Variants in FAAH2 observed in about 807,000 individuals in gnomAD.
FAAH2 encodes fatty-acid amide hydrolase 2.
A neutral mutation model predicts 36.9 loss-of-function variants in FAAH2; 60 were observed. The ratio of observed to expected loss-of-function variants is 1.63; its 90% CI spans 1.32 to 2.02. The LOEUF (loss-of-function observed/expected upper bound fraction) is 2.02. FAAH2 is among the 30% of genes most tolerant of loss of function. The pLI, the probability that FAAH2 is intolerant of heterozygous loss-of-function variation, is 0.00. For synonymous variants in FAAH2, 214 were observed against 143.8 expected, an observed-to-expected ratio of 1.49 and a Z score of -3.49; for missense variants, 689 against 397.5, an observed-to-expected ratio of 1.73 and a Z score of -6.23.
intron 2 of FAAH2, among the ~76,000 whole-genome samples, chrX:57,307,658 T>G (rs936776062): frequency 2.7e-5 from 3 of 111,495 alleles, no homozygotes; most frequent in Non-Finnish European, 3.8e-5. Context: ...TTATCTTAAA[T>G]TCAAGGGGCA....
the FAAH2 span, among the ~76,000 whole-genome samples, chrX:57,251,221 C>T: frequency 8.9e-6 from 1 of 112,062 alleles, no homozygotes; most frequent in Non-Finnish European, 1.9e-5. Flanking sequence ...AAATGTGATA[C>T]ATTACTTTAA....
chrX:57,253,134 G>T, the FAAH2 span, among the ~76,000 whole-genome samples: 4 of 111,287 alleles, frequency 3.6e-5, no homozygotes, highest in African/African-American at 1.3e-4. Context: ...AGCTTCAATA[G>T]CCAATTCGAT....
At chrX:57,299,468 A>T (rs1241221561) in intron 2 of FAAH2, among the ~76,000 whole-genome samples, 1 of 111,379 alleles carries the variant, frequency 9.0e-6, no homozygotes, top group African/African-American at 3.3e-5. Flanking sequence ...AAATAATAAG[A>T]GCTATCTATG....
intron 5 of FAAH2, among the ~76,000 whole-genome samples, chrX:57,359,559 A>T (rs897459195): frequency 3.6e-5 from 4 of 111,771 alleles, no homozygotes; most frequent in Non-Finnish European, 7.5e-5. Context: ...CAACAAATTA[A>T]CTTCAACCAC....
intron 7 of FAAH2, among the ~76,000 whole-genome samples, chrX:57,422,283 G>A (rs538920716): frequency 4.5e-5 from 5 of 111,976 alleles, no homozygotes; most frequent in South Asian, 3.7e-4. Flanking sequence ...AAATGGGGAT[G>A]TGATGGGAAT....
intron 3 of FAAH2, among the ~76,000 whole-genome samples, chrX:57,319,402 G>A (rs2052945305): frequency 9.0e-6 from 1 of 111,663 alleles, no homozygotes; most frequent in Non-Finnish European, 1.9e-5. Flanking sequence ...GCCAAATCAT[G>A]AGTGAACTCC....
the FAAH2 span, among the ~76,000 whole-genome samples, chrX:57,280,534 T>TAA: frequency 2.9e-4 from 20 of 70,169 alleles, no homozygotes; most frequent in African/African-American, 2.4e-3. Flanking sequence ...TGGCTAAAAT[T>TAA]TAAAAAAAAA....
At chrX:57,423,747 C>T (rs1311198846) in intron 7 of FAAH2, among the ~76,000 whole-genome samples, 3 of 111,313 alleles carry the variant, frequency 2.7e-5, no homozygotes, top group Non-Finnish European at 3.8e-5. Flanking sequence ...CATGGACTTG[C>T]CTAGCCCAGT....
intron 5 of FAAH2, among the ~76,000 whole-genome samples, 175 bp from the exon 6 acceptor site, chrX:57,378,476 C>T (rs780049046): frequency 1.8e-5 from 2 of 111,815 alleles, no homozygotes; most frequent in African/African-American, 3.2e-5. Context: ...AAAAAATTCA[C>T]TGCTTTTAAG....
At chrX:57,221,632 G>A in the FAAH2 span, among the ~76,000 whole-genome samples, 4 of 111,293 alleles carry the variant, frequency 3.6e-5, no homozygotes, top group African/African-American at 9.8e-5. Flanking sequence ...TAACCAAGCT[G>A]TACTCCCAGT....
chrX:57,126,667 CACTG>C, the FAAH2 span, among the ~76,000 whole-genome samples: 7 of 111,603 alleles, frequency 6.3e-5, no homozygotes, highest in Non-Finnish European at 1.3e-4. Context: ...TGGTCATGGC[CACTG>C]ACTGACTTTT....
intron 7 of FAAH2, among the ~76,000 whole-genome samples, chrX:57,396,246 C>T (rs2055292756): frequency 9.0e-6 from 1 of 110,936 alleles, no homozygotes; most frequent in Non-Finnish European, 1.9e-5. Context: ...GGTGGTCTAT[C>T]AATTTTGTCT....
rs1280967689 is a variant in FAAH2, at chrX:57,394,764, G to C, written c.996+13735G>C. 1.3e-5 allele frequency: 12 copies of C among 920,825 alleles called. No individual in the cohort carries two copies. The South Asian group carries it at 2.4e-4, about 18-fold the overall frequency. 75.9% of individuals were successfully genotyped at this position (920,825 alleles called of 1,213,427 possible). A position where few individuals can be genotyped will look rare whatever the true frequency, so the allele number is the denominator to read the frequency against. On this transcript the variant is annotated intron_variant, in intron 7 of 10. Coordinates refer to ENST00000374900, the MANE Select transcript of FAAH2 (RefSeq NM_174912.4). ...ATCCATTCCCCTTTAACCATTTCAG[G>C]CCGACCAGTTGCAACCACCAGGATG...
chrX:57,263,199 C>T, the FAAH2 span, among the ~76,000 whole-genome samples: 7 of 111,284 alleles, frequency 6.3e-5, no homozygotes, highest in South Asian at 3.7e-4. Context: ...TATAGAAAAT[C>T]GCAAGGAGTG....
At chrX:57,309,121 T>A (rs1241756259) in intron 2 of FAAH2, among the ~76,000 whole-genome samples, 2 of 112,191 alleles carry the variant, frequency 1.8e-5, no homozygotes, top group Non-Finnish European at 3.8e-5. Flanking sequence ...TTAATATTTG[T>A]GATACTGAGA....
intron 10 of FAAH2, among the ~76,000 whole-genome samples, chrX:57,472,251 A>G (rs982514159): frequency 8.9e-6 from 1 of 112,206 alleles, no homozygotes; most frequent in African/African-American, 3.2e-5. Context: ...ATGGAATCTA[A>G]TTATACTAAG....
chrX:57,314,322 C>T (rs1200558242), intron 3 of FAAH2, among the ~76,000 whole-genome samples: 1 of 110,977 alleles, frequency 9.0e-6, no homozygotes, highest in South Asian at 3.8e-4. Context: ...CAGTGTTAGA[C>T]AGATCATCGA....
the FAAH2 span, among the ~76,000 whole-genome samples, chrX:57,228,380 G>A: frequency 9.0e-6 from 1 of 111,163 alleles, no homozygotes; most frequent in Non-Finnish European, 1.9e-5. Context: ...TCGGCTCCAG[G>A]TAAAGTTGGG....
intron 10 of FAAH2, among the ~76,000 whole-genome samples, chrX:57,468,166 T>A (rs967854838): frequency 9.0e-6 from 1 of 111,054 alleles, no homozygotes; most frequent in Non-Finnish European, 1.9e-5. Context: ...GCAGAAAATC[T>A]GAAAATTCTA....
Sources: gnomAD v4.1 joint callset for allele counts (sites outside exome capture counted in the v4.1 genomes callset) on GRCh38, gnomAD v4.1.1 for gene constraint, MANE v1.5 for transcripts, NCBI Gene and HGNC (gene_info 2026-07-23, HGNC 2026-07-21) for gene names.